Variants in TBC1D16 observed in about 807,000 individuals in gnomAD.
TBC1D16 encodes CTD-2529O21.1.
A neutral mutation model predicts 74.7 loss-of-function variants in TBC1D16; 58 were observed. The observed-to-expected ratio is 0.78, with a 90% CI of 0.63 to 0.97. TBC1D16 has a LOEUF of 0.97. Among genes scored for constraint, TBC1D16 ranks in the 50% least tolerant of loss-of-function variants. The pLI is 0.00. For missense variants in TBC1D16, 1,014 were observed against 1,079.5 expected (o/e 0.94, Z 0.85); for synonymous variants, 493 against 474.7 (o/e 1.04, Z -0.50).
chr17:80,010,452 T>C lies in TBC1D16; in HGVS notation c.487A>G (p.Lys163Glu). The change falls in exon 3 of 12, where the codon AAG (lysine) becomes GAG (glutamate). Residue 163 changes from lysine (K) to glutamate (E), a missense_variant. Coordinates refer to ENST00000310924, the MANE Select transcript of TBC1D16 (RefSeq NM_019020.4). This position sits in a 1 kb window ranked among gnomAD's most constrained non-coding sequence, Gnocchi z 8.8. Reference sequence around the variant, plus strand: ...TCCACCCCCAAGCCCTGCGCCAGCTTCTCCTCATCCTCTGGCGCAGGGCTG... The same window carrying C: ...TCCACCCCCAAGCCCTGCGCCAGCTCCTCCTCATCCTCTGGCGCAGGGCTG... ...LASPAPEDEE[K>E]LAQGLGVDGA... 4 of 1,609,568 alleles carry C rather than the reference T, an allele frequency of 2.5e-6. No individual in the cohort carries two copies. Among genetic ancestry groups the C allele is most frequent in the Non-Finnish European group, 3.4e-6 (4 of 1,178,242 alleles).
At chr17:79,949,406 C>T (rs1255295739) in intron 7 of TBC1D16, among the ~76,000 whole-genome samples, 1 of 152,220 alleles carries the variant, frequency 6.6e-6, no homozygotes, top group Non-Finnish European at 1.5e-5. Context: ...GATGCCTTCA[C>T]CCCTCCAGGC....
chr17:79,946,465 C>T (rs531387832), intron 9 of TBC1D16, among the ~76,000 whole-genome samples: 1 of 152,358 alleles, frequency 6.6e-6, no homozygotes, highest in East Asian at 1.9e-4. Context: ...TGGACCAGTA[C>T]CAGTCCTGGG....
Position 80,013,612 on chromosome 17 carries a change from G to C in TBC1D16, c.-62-3C>G, listed in dbSNP as rs1369213458. 7.0e-7 allele frequency: 1 copy of C among 1,427,970 alleles called. No individual in the cohort carries two copies. The highest frequency in any genetic ancestry group is 9.3e-7 in the Non-Finnish European group (1 of 1,079,388). The allele number at this position is 1,427,970 out of a possible 1,614,324, so 88.5% of individuals were successfully genotyped here. On this transcript the variant is annotated splice_polypyrimidine_tract_variant and splice_region_variant and intron_variant, in intron 1 of 11. Transcript: ENST00000310924. ...GGGCAGGGCTCGTCAAGACCTGCCT[G>C]GGGGAGGAAGAGAGAGGAGATGGTC...
Position 80,025,419 on chromosome 17 carries a change from C to T in TBC1D16, c.-63+10376G>A, listed in dbSNP as rs923752527. On this transcript the variant is annotated intron_variant, in intron 1 of 11. Coordinates refer to ENST00000310924, the MANE Select transcript of TBC1D16 (RefSeq NM_019020.4). Reference sequence around the variant, plus strand: ...GGGTCCATAAACACAAGTCAGCCACCTGTCACCGGGCGGCAGGAAGTGCAG... The same window carrying T: ...GGGTCCATAAACACAAGTCAGCCACTTGTCACCGGGCGGCAGGAAGTGCAG... Among the ~76,000 whole-genome samples, 10 of 150,008 alleles carry T rather than the reference C, an allele frequency of 6.7e-5. 1 individual carries two copies. The highest frequency in any genetic ancestry group is 1.8e-4 in the African/African-American group (7 of 39,414).
chr17:79,963,844 C>A (rs1050758375), intron 3 of TBC1D16, among the ~76,000 whole-genome samples: 1 of 152,134 alleles, frequency 6.6e-6, no homozygotes, highest in Non-Finnish European at 1.5e-5. Context: ...ATATTGAGTA[C>A]CTTCATGTGC....
intron 1 of TBC1D16, among the ~76,000 whole-genome samples, chr17:80,033,575 G>C (rs1372712422): frequency 6.6e-6 from 1 of 152,110 alleles, no homozygotes; most frequent in African/African-American, 2.4e-5. Flanking sequence ...GTCTCTCTAG[G>C]TTGCCTAAGG....
chr17:80,015,234 A>G (rs896474609), intron 1 of TBC1D16, among the ~76,000 whole-genome samples: 1 of 152,104 alleles, frequency 6.6e-6, no homozygotes, highest in Non-Finnish European at 1.5e-5. Context: ...GTTCGAGACC[A>G]GCCTGGCCAA....
intron 1 of TBC1D16, among the ~76,000 whole-genome samples, chr17:80,016,165 A>T (rs1268619275): frequency 1.3e-5 from 2 of 152,094 alleles, no homozygotes; most frequent in Non-Finnish European, 2.9e-5. Context: ...AATCAGTCAC[A>T]AGAGACAAGC....
At chr17:80,032,743 A>G (rs1331049763) in intron 1 of TBC1D16, among the ~76,000 whole-genome samples, 1 of 152,202 alleles carries the variant, frequency 6.6e-6, no homozygotes, top group Non-Finnish European at 1.5e-5. Flanking sequence ...TGCAATACAA[A>G]TGGTGTACAA....
At chr17:79,977,162 G>A (rs1375567938) in intron 3 of TBC1D16, among the ~76,000 whole-genome samples, 3 of 152,086 alleles carry the variant, frequency 2.0e-5, no homozygotes, top group African/African-American at 4.8e-5. Context: ...CCAACGAGGC[G>A]AACCCCAGCC....
Position 80,009,481 on chromosome 17 carries a change from C to T in TBC1D16, c.779+679G>A, listed in dbSNP as rs766390576. The stretch of plus-strand genomic sequence containing the variant: ...GGCCCAGGGAACCCACCGCAGGGCA[C>T]GGGCCCAACTCTAGCTCCTGCAAGT... On this transcript the variant is annotated intron_variant, in intron 3 of 11. Transcript: ENST00000310924. The surrounding 1 kb of genome is among the most constrained non-coding windows in gnomAD (Gnocchi z 5.4). Among the ~76,000 whole-genome samples the T allele has an allele frequency of 7.9e-4, 120 of 152,226 alleles. No individual in the cohort carries two copies. The highest frequency in any genetic ancestry group is 1.4e-3 in the Admixed American group (22 of 15,286).
At chr17:80,019,567 A>G (rs2036216134) in intron 1 of TBC1D16, among the ~76,000 whole-genome samples, 2 of 149,520 alleles carry the variant, frequency 1.3e-5, no homozygotes, top group Admixed American at 1.3e-4. Flanking sequence ...TGTAAAGTGC[A>G]TTTGCTGTTT....
At position 79,959,874 on chromosome 17, in the gene TBC1D16, CT is replaced by C. The variant is rs527883733; in HGVS notation, c.780-7057del. On this transcript the variant is annotated intron_variant, in intron 3 of 11. Coordinates refer to ENST00000310924, the MANE Select transcript of TBC1D16 (RefSeq NM_019020.4). ...AAATAATAAATTGGAAAATTAAAGA[CT>C]TTTTTTTTTCATCAAAATACTCCAT... Among the ~76,000 whole-genome samples the C allele has an allele frequency of 9.7e-4, 145 of 148,996 alleles. No homozygotes were observed. The Middle Eastern group carries it at 0.014, about 14-fold the overall frequency.
intron 3 of TBC1D16, among the ~76,000 whole-genome samples, chr17:79,984,583 A>G (rs2034741142): frequency 7.8e-6 from 1 of 127,484 alleles, no homozygotes; most frequent in African/African-American, 2.6e-5. Flanking sequence ...AAAGAAAGAA[A>G]AAGAAAGAAA....
intron 1 of TBC1D16, among the ~76,000 whole-genome samples, chr17:80,018,971 G>A (rs1348140956): frequency 2.0e-5 from 3 of 150,102 alleles, no homozygotes; most frequent in Non-Finnish European, 2.9e-5. Flanking sequence ...GTTCTGCTCA[G>A]CCACGTTTTG....
chr17:79,984,287 G>A (rs1192462542), intron 3 of TBC1D16, among the ~76,000 whole-genome samples: 1 of 152,192 alleles, frequency 6.6e-6, no homozygotes, highest in African/African-American at 2.4e-5. Context: ...GATTACAGGT[G>A]TGAACCACTG....
chr17:79,987,184 G>C lies in TBC1D16; in HGVS notation c.779+22976C>G, dbSNP rs2034873796. Among the ~76,000 whole-genome samples, 1 of 151,960 alleles carries C rather than the reference G, an allele frequency of 6.6e-6. No homozygotes were observed. The highest frequency in any genetic ancestry group is 2.1e-4 in the South Asian group (1 of 4,788). On this transcript the variant is annotated intron_variant, in intron 3 of 11. Coordinates refer to ENST00000310924, the MANE Select transcript of TBC1D16 (RefSeq NM_019020.4). This position sits in a 1 kb window ranked among gnomAD's most constrained non-coding sequence, Gnocchi z 5.2. ...CCAAACTCAAGCACTGGAGAAAATT[G>C]TTCCAGAGCGTCTCGGTCTGGGTGG...
At chr17:80,004,170 A>C (rs1192646111) in intron 3 of TBC1D16, among the ~76,000 whole-genome samples, 1 of 152,270 alleles carries the variant, frequency 6.6e-6, no homozygotes, top group Non-Finnish European at 1.5e-5. Flanking sequence ...AGCTGCATGA[A>C]GCCAGTGGCC....
intron 1 of TBC1D16, among the ~76,000 whole-genome samples, chr17:80,021,585 A>G (rs2036283025): frequency 6.7e-6 from 1 of 149,646 alleles, no homozygotes. Flanking sequence ...ATTGATATGT[A>G]AGAACTCTTT....
Sources: gnomAD v4.1 joint callset for allele counts (sites outside exome capture counted in the v4.1 genomes callset) on GRCh38, gnomAD v4.1.1 for gene constraint, Gnocchi (gnomAD v3.1) non-coding constraint, MANE v1.5 for transcripts, NCBI Gene and HGNC (gene_info 2026-07-23, HGNC 2026-07-21) for gene names.